Variants in CMSS1 observed in about 807,000 individuals in gnomAD.
The protein encoded by CMSS1 is cms1 ribosomal small subunit homolog.
In CMSS1, 33 loss-of-function variants were observed where a neutral mutation model predicts 43.5. The ratio of observed to expected loss-of-function variants is 0.76; its 90% confidence interval spans 0.57 to 1.01. CMSS1 has a LOEUF of 1.01. Ranked by LOEUF, CMSS1 falls within the 50% of genes least tolerant of loss-of-function variation. The probability of loss-of-function intolerance (pLI) is 0.00; values close to 1 mark genes in which losing one functional copy is unlikely to be tolerated. For synonymous variants in CMSS1, 115 were observed against 117.2 expected (o/e 0.98, Z 0.12); for missense variants, 313 against 326.4 (o/e 0.96, Z 0.32).
chr3:100,008,222 T>C (rs1430358257), intron 1 of CMSS1, among the ~76,000 whole-genome samples: 1 of 152,146 alleles, frequency 6.6e-6, no homozygotes, highest in African/African-American at 2.4e-5. Context: ...TTAAGGTCAT[T>C]CCTGATAAAG....
intron 1 of CMSS1, among the ~76,000 whole-genome samples, chr3:100,062,197 C>CAATG (rs2065583097): frequency 6.8e-6 from 1 of 148,052 alleles, no homozygotes; most frequent in Admixed American, 6.8e-5. Flanking sequence ...CTGCAAGCTC[C>CAATG]GCCTCCCGGG....
intron 1 of CMSS1, among the ~76,000 whole-genome samples, chr3:100,117,200 A>G (rs2066577859): frequency 6.6e-6 from 1 of 152,136 alleles, no homozygotes; most frequent in African/African-American, 2.4e-5. Context: ...GTTGCTATTT[A>G]TTATGTCACA....
At chr3:100,014,886 TCTTTC>T (rs1559725865) in intron 1 of CMSS1, among the ~76,000 whole-genome samples, 43 of 116,406 alleles carry the variant, frequency 3.7e-4, no homozygotes, top group East Asian at 7.0e-4. Flanking sequence ...TTTTTTTTTT[TCTTTC>T]TTTCTTTTTT....
At chr3:100,012,409 A>G (rs1710184138) in intron 1 of CMSS1, among the ~76,000 whole-genome samples, 1 of 152,144 alleles carries the variant, frequency 6.6e-6, no homozygotes, top group Admixed American at 6.6e-5. Flanking sequence ...TATTATTTGT[A>G]TTTTTCAAAA....
chr3:100,030,293 A>G (rs2065002119), intron 1 of CMSS1, among the ~76,000 whole-genome samples: 2 of 152,160 alleles, frequency 1.3e-5, no homozygotes, highest in Non-Finnish European at 2.9e-5. Flanking sequence ...AAAGGGATCT[A>G]TGCCACCAGA....
In CMSS1 at chr3:99,985,799, G is replaced by A. The variant is rs140781882; in HGVS notation, c.65-161174G>A. On this transcript the variant is annotated intron_variant, in intron 1 of 9. Coordinates refer to ENST00000421999, the MANE Select transcript of CMSS1 (RefSeq NM_032359.4). ...AGATGGGGTTTCCCCATGTTGGTCA[G>A]GCTGGTCTCGAACTCCTGACCTCAG... Among the ~76,000 whole-genome samples, 1,104 of 152,204 alleles carry A rather than the reference G, an allele frequency of 7.3e-3. 19 individuals carry two copies. The highest frequency in any genetic ancestry group is 0.025 in the African/African-American group (1,018 of 41,536).
chr3:100,099,455 A>C lies in CMSS1; in HGVS notation c.65-47518A>C, dbSNP rs1351992119. Among the ~76,000 whole-genome samples, 3 of 152,158 alleles carry C rather than the reference A, an allele frequency of 2.0e-5. No homozygotes were observed. In the East Asian group the frequency reaches 5.8e-4, roughly 29 times the overall value. On this transcript the variant is annotated intron_variant, in intron 1 of 9. Coordinates refer to ENST00000421999, the MANE Select transcript of CMSS1 (RefSeq NM_032359.4). ...GGTAAGGAAGGTAGAGGAAGAAGAG[A>C]GCTGATCTTGTAGCTAGGATGGTAG...
At chr3:100,148,879 A>G (rs1425920045) in intron 2 of CMSS1, among the ~76,000 whole-genome samples, 1 of 152,082 alleles carries the variant, frequency 6.6e-6, no homozygotes, top group Non-Finnish European at 1.5e-5. Flanking sequence ...ATTTTGCTCA[A>G]AGGCCCTATA....
chr3:99,919,867 G>A (rs1707069313), intron 1 of CMSS1, among the ~76,000 whole-genome samples: 2 of 152,222 alleles, frequency 1.3e-5, no homozygotes, highest in South Asian at 4.1e-4. Context: ...AACAACACTT[G>A]AAGCTGGACA....
chr3:100,109,980 T>C (rs2066463931), intron 1 of CMSS1: 1 of 134,676 alleles, frequency 7.4e-6, no homozygotes, highest in Admixed American at 8.6e-5. Context: ...TTCAAACTGT[T>C]GGCAACCATT....
intron 1 of CMSS1, among the ~76,000 whole-genome samples, chr3:100,125,853 T>C (rs2107495573): frequency 6.6e-6 from 1 of 152,298 alleles, no homozygotes; most frequent in African/African-American, 2.4e-5. Context: ...CTAGCCAGTG[T>C]AAATAAACTC....
At chr3:100,062,082 C>A (rs980581918) in intron 1 of CMSS1, among the ~76,000 whole-genome samples, 5 of 122,686 alleles carry the variant, frequency 4.1e-5, no homozygotes, top group Non-Finnish European at 8.3e-5. Flanking sequence ...TTGTGGTTAT[C>A]CTGTCTTCTT....
chr3:99,967,387 A>G (rs114960805), intron 1 of CMSS1, among the ~76,000 whole-genome samples: 1,768 of 152,350 alleles, frequency 0.012, 19 homozygotes, highest in African/African-American at 0.026. Context: ...CTTCTCGTGA[A>G]GAGTAAATAG....
At chr3:100,153,393 G>A (rs1408941544) in intron 2 of CMSS1, among the ~76,000 whole-genome samples, 1 of 151,990 alleles carries the variant, frequency 6.6e-6, no homozygotes, top group Non-Finnish European at 1.5e-5. Flanking sequence ...TCTTTTTATC[G>A]CTGAGCACAT....
intron 1 of CMSS1, among the ~76,000 whole-genome samples, chr3:100,071,323 G>A (rs1176510178): frequency 6.6e-6 from 1 of 152,036 alleles, no homozygotes; most frequent in Non-Finnish European, 1.5e-5. Flanking sequence ...AGACAGTAAG[G>A]GACAGGGACT....
At chr3:99,985,650 A>G (rs1444925021) in intron 1 of CMSS1, among the ~76,000 whole-genome samples, 2 of 151,410 alleles carry the variant, frequency 1.3e-5, no homozygotes, top group Non-Finnish European at 2.9e-5. Context: ...GTGCAATGGC[A>G]TGATCTCGGC....
At chr3:100,169,664 C>T (rs1262232829) in intron 6 of CMSS1, among the ~76,000 whole-genome samples, 1 of 152,178 alleles carries the variant, frequency 6.6e-6, no homozygotes, top group Non-Finnish European at 1.5e-5. Context: ...TATAATCTCC[C>T]AGTGAAACAC....
chr3:99,959,644 A>AG (rs1179426327), intron 1 of CMSS1, among the ~76,000 whole-genome samples: 1 of 152,192 alleles, frequency 6.6e-6, no homozygotes, highest in Non-Finnish European at 1.5e-5. Context: ...AAAATGCTAT[A>AG]GCCTTTTAGA....
intron 8 of CMSS1, among the ~76,000 whole-genome samples, chr3:100,175,956 A>G (rs1403108404): frequency 6.6e-6 from 1 of 152,120 alleles, no homozygotes; most frequent in Non-Finnish European, 1.5e-5. Context: ...GACTCCATGG[A>G]CTCAACTCCT....
Sources: allele counts gnomAD v4.1 joint callset (sites outside exome capture counted in the v4.1 genomes callset), GRCh38; gene constraint gnomAD v4.1.1; transcripts MANE v1.5; gene names NCBI Gene and HGNC (gene_info 2026-07-23, HGNC 2026-07-21).